Variants in TMEM116 observed in about 807,000 individuals in gnomAD.
TMEM116 encodes transmembrane protein 116.
Under a neutral mutation model 44.3 loss-of-function variants are expected in TMEM116, and 38 were observed. The observed-to-expected ratio is 0.86, with a 90% CI of 0.66 to 1.12. The LOEUF (loss-of-function observed/expected upper bound fraction) is 1.12. Ranked by LOEUF, TMEM116 falls within the 50% of genes most tolerant of loss-of-function variation. The pLI, the probability that TMEM116 is intolerant of heterozygous loss-of-function variation, is 0.00. For synonymous variants in TMEM116, 132 were observed against 144.8 expected (o/e 0.91, Z 0.64); for missense variants, 354 against 401.7 (o/e 0.88, Z 1.01).
chr12:111,985,778 G>T (rs2076193723), intron 4 of TMEM116, among the ~76,000 whole-genome samples: 1 of 151,852 alleles, frequency 6.6e-6, no homozygotes. Context: ...TGTATTTTTT[G>T]TAGAGACGAG....
intron 3 of TMEM116, among the ~76,000 whole-genome samples, chr12:111,999,822 T>C (rs1286640089): frequency 6.6e-6 from 1 of 152,076 alleles, no homozygotes; most frequent in African/African-American, 2.4e-5. Context: ...GAATTAAGAA[T>C]CACAACCCAC....
chr12:112,011,684 T>C (rs1277732590), intron 1 of TMEM116: 1 of 152,280 alleles, frequency 6.6e-6, no homozygotes, highest in Non-Finnish European at 1.5e-5. Flanking sequence ...TTCCAATCCA[T>C]TTCCTTCATT....
chr12:111,997,464 G>C (rs2076987212), intron 3 of TMEM116, among the ~76,000 whole-genome samples: 1 of 152,182 alleles, frequency 6.6e-6, no homozygotes, highest in Admixed American at 6.5e-5. Flanking sequence ...AGGAAGCTGA[G>C]GTGGCAGGAT....
At chr12:111,971,887 G>A (rs776871707) in intron 4 of TMEM116, among the ~76,000 whole-genome samples, 11 of 151,850 alleles carry the variant, frequency 7.2e-5, no homozygotes, top group Middle Eastern at 3.2e-3. Flanking sequence ...GACAAGCTTG[G>A]GCAACACAGT....
intron 3 of TMEM116, chr12:112,001,089 A>C: frequency 5.7e-6 from 1 of 174,336 alleles, no homozygotes; most frequent in Non-Finnish European, 1.2e-5. Flanking sequence ...CTTTAATTTA[A>C]ACCACGGGCA....
chr12:112,008,926 G>T (rs905283108), intron 1 of TMEM116, among the ~76,000 whole-genome samples: 1 of 148,572 alleles, frequency 6.7e-6, no homozygotes, highest in Non-Finnish European at 1.5e-5. Flanking sequence ...AGTGAGCCAA[G>T]ATCGCACCAT....
intron 4 of TMEM116, among the ~76,000 whole-genome samples, chr12:111,986,731 C>A (rs973718473): frequency 2.0e-5 from 3 of 152,022 alleles, no homozygotes; most frequent in African/African-American, 7.2e-5. Context: ...ATTAATTGAG[C>A]CCAGAAGGTC....
intron 4 of TMEM116, among the ~76,000 whole-genome samples, chr12:111,959,303 G>T (rs2074399501): frequency 6.6e-6 from 1 of 152,226 alleles, no homozygotes; most frequent in Admixed American, 6.5e-5. Context: ...AATTCTGAGA[G>T]ATTTTGTCAC....
At position 111,931,702 on chromosome 12, in the gene TMEM116, T is replaced by A. The variant is rs2071652558; in HGVS notation, c.933A>T (p.Ser311=). ...DADTQTPLLC[S]QKRFYSRGLN... is the part of the protein sequence containing the mutation. ...AGCCCCTGCTATAGAATCTCTTCTG[T>A]GAGCATAATAATGGTGTCTGGGTAT... The change falls in exon 11 of 11, where the codon TCA becomes TCT. Residue 311 remains serine, a synonymous_variant. Transcript: ENST00000552374. 6.2e-7 allele frequency: 1 copy of A among 1,613,940 alleles called. No homozygotes were observed.
At chr12:111,967,600 T>C (rs941348025) in intron 4 of TMEM116, among the ~76,000 whole-genome samples, 119 of 152,266 alleles carry the variant, frequency 7.8e-4, no homozygotes, top group African/African-American at 2.8e-3. Flanking sequence ...TAGCATATTA[T>C]CTGTCCCTGA....
chr12:111,993,975 T>C (rs753738656), intron 3 of TMEM116: 35 of 595,222 alleles, frequency 5.9e-5, no homozygotes, highest in Non-Finnish European at 9.8e-5. Context: ...AGTTTATCTA[T>C]GATTCTGTGA....
intron 5 of TMEM116, among the ~76,000 whole-genome samples, chr12:111,939,003 T>C (rs1401354582): frequency 6.6e-6 from 1 of 152,180 alleles, no homozygotes; most frequent in Non-Finnish European, 1.5e-5. Context: ...GGAGCAGGAA[T>C]AGGACAGCTA....
chr12:111,988,265 G>A (rs1483444880), intron 4 of TMEM116, among the ~76,000 whole-genome samples: 1 of 152,156 alleles, frequency 6.6e-6, no homozygotes, highest in Non-Finnish European at 1.5e-5. Flanking sequence ...GTATAACAAG[G>A]TGAATGTTTA....
chr12:111,932,133 G>C (rs949793373), intron 10 of TMEM116, among the ~76,000 whole-genome samples: 1 of 151,956 alleles, frequency 6.6e-6, no homozygotes, highest in Non-Finnish European at 1.5e-5. Context: ...CATCGGAATA[G>C]TCAGATAGCC....
At chr12:111,972,786 G>C (rs1278232686) in intron 4 of TMEM116, among the ~76,000 whole-genome samples, 1 of 152,166 alleles carries the variant, frequency 6.6e-6, no homozygotes. Flanking sequence ...GGCTGAGGTA[G>C]AATTGCTGCA....
At chr12:111,995,869 A>T (rs1201543012) in intron 3 of TMEM116, among the ~76,000 whole-genome samples, 1 of 151,472 alleles carries the variant, frequency 6.6e-6, no homozygotes, top group Non-Finnish European at 1.5e-5. Flanking sequence ...CATCTCTACA[A>T]ATAAAATAAA....
At chr12:111,944,481 C>T (rs900567005) in intron 4 of TMEM116, among the ~76,000 whole-genome samples, 4 of 151,954 alleles carry the variant, frequency 2.6e-5, no homozygotes, top group African/African-American at 9.7e-5. Context: ...CATGGTGAAA[C>T]CCCATCTCTA....
At chr12:111,973,825 G>A (rs1389103707) in intron 4 of TMEM116, among the ~76,000 whole-genome samples, 1 of 152,072 alleles carries the variant, frequency 6.6e-6, no homozygotes, top group Non-Finnish European at 1.5e-5. Context: ...TTGGGTGGCT[G>A]AGGCAGGAGA....
intron 4 of TMEM116, among the ~76,000 whole-genome samples, chr12:111,943,682 G>A (rs370340921): frequency 2.0e-4 from 31 of 152,200 alleles, no homozygotes; most frequent in African/African-American, 7.2e-4. Flanking sequence ...TTACAGACAC[G>A]TGCCACTACG....
Sources: allele counts gnomAD v4.1 joint callset (sites outside exome capture counted in the v4.1 genomes callset), GRCh38; gene constraint gnomAD v4.1.1; transcripts MANE v1.5; gene names NCBI Gene and HGNC (gene_info 2026-07-23, HGNC 2026-07-21).